Variants in YWHAG observed in about 807,000 individuals in gnomAD.
YWHAG encodes the protein tyrosine 3-monooxygenase/tryptophan 5-monooxygenase activation protein gamma.
In YWHAG, 1 loss-of-function variant was observed where a neutral mutation model predicts 23.3. That is an observed-to-expected ratio of 0.04 (90% CI 0.02 to 0.20). YWHAG has a LOEUF of 0.20. Ranked by LOEUF, YWHAG falls within the 10% of genes least tolerant of loss-of-function variation. The probability of loss-of-function intolerance (pLI) is 1.00; values close to 1 mark genes in which losing one functional copy is unlikely to be tolerated. For synonymous variants in YWHAG, 160 were observed against 144.0 expected, an observed-to-expected ratio of 1.11 and a Z score of -0.80; for missense variants, 151 against 338.6, an observed-to-expected ratio of 0.45 and a Z score of 4.35.
intron 1 of YWHAG, among the ~76,000 whole-genome samples, chr7:76,343,642 C>G (rs1803733068): frequency 6.6e-6 from 1 of 152,200 alleles, no homozygotes; most frequent in Non-Finnish European, 1.5e-5. Context: ...TGAATCCAGC[C>G]ACTCTCATCA....
At chr7:76,358,457 G>A (rs1803996016) in intron 1 of YWHAG, among the ~76,000 whole-genome samples, 1 of 152,148 alleles carries the variant, frequency 6.6e-6, no homozygotes, top group Admixed American at 6.5e-5. Flanking sequence ...CCGCTCCCAA[G>A]TCCAGCCCCG....
At chr7:76,338,561 GCT>G (rs1429813232) in intron 1 of YWHAG, among the ~76,000 whole-genome samples, 2 of 152,086 alleles carry the variant, frequency 1.3e-5, no homozygotes, top group African/African-American at 2.4e-5. Flanking sequence ...CAAATCTTGT[GCT>G]CTTTTTCTAT....
intron 1 of YWHAG, among the ~76,000 whole-genome samples, chr7:76,334,200 A>G (rs1340218627): frequency 6.6e-6 from 1 of 152,232 alleles, no homozygotes; most frequent in Non-Finnish European, 1.5e-5. Context: ...CCTTTAGATC[A>G]TAATTACTTG....
intron 1 of YWHAG, among the ~76,000 whole-genome samples, chr7:76,342,387 A>AC (rs1426054628): frequency 6.6e-6 from 1 of 152,046 alleles, no homozygotes; most frequent in Non-Finnish European, 1.5e-5. Flanking sequence ...CTTCTTACAA[A>AC]CCCTGCTGGG....
intron 1 of YWHAG, among the ~76,000 whole-genome samples, chr7:76,343,922 A>C (rs1200089534): frequency 6.6e-6 from 1 of 152,208 alleles, no homozygotes; most frequent in Non-Finnish European, 1.5e-5. Flanking sequence ...AGCAAACACT[A>C]ATACCGTATT....
intron 1 of YWHAG, among the ~76,000 whole-genome samples, chr7:76,335,787 C>T (rs1446514718): frequency 6.6e-6 from 1 of 152,162 alleles, no homozygotes; most frequent in Non-Finnish European, 1.5e-5. Context: ...CCTGTCTCTA[C>T]TAAAAATACA....
At chr7:76,339,226 T>C (rs1053405416) in intron 1 of YWHAG, among the ~76,000 whole-genome samples, 9 of 122,108 alleles carry the variant, frequency 7.4e-5, no homozygotes, top group Admixed American at 2.4e-4. Flanking sequence ...TCCCAGCACT[T>C]TGGGAGGCCA....
At chr7:76,357,556 TGG>T (rs1188604507) in intron 1 of YWHAG, among the ~76,000 whole-genome samples, 5 of 152,146 alleles carry the variant, frequency 3.3e-5, no homozygotes, top group Non-Finnish European at 7.3e-5. Context: ...ACTGACAAAA[TGG>T]TGCAATACAG....
intron 1 of YWHAG, among the ~76,000 whole-genome samples, chr7:76,343,905 T>C (rs1489299689): frequency 6.6e-6 from 1 of 152,170 alleles, no homozygotes; most frequent in African/African-American, 2.4e-5. Flanking sequence ...TGGGGTAGTT[T>C]GAGACAAGCA....
At chr7:76,339,750 T>C (rs1803663559) in intron 1 of YWHAG, among the ~76,000 whole-genome samples, 1 of 152,040 alleles carries the variant, frequency 6.6e-6, no homozygotes, top group East Asian at 1.9e-4. Context: ...AATGACCCAC[T>C]TCCACTTAAT....
intron 1 of YWHAG, among the ~76,000 whole-genome samples, chr7:76,357,831 G>A (rs1157473348): frequency 6.6e-6 from 1 of 152,142 alleles, no homozygotes; most frequent in Non-Finnish European, 1.5e-5. Context: ...TATCAGATCA[G>A]ACAGAATATT....
In YWHAG at chr7:76,329,842, A is replaced by T. The variant is rs746746074; in HGVS notation, c.479T>A (p.Ile160Asn). 1 of 1,612,902 alleles carries T rather than the reference A, an allele frequency of 6.2e-7. No homozygotes were observed. Among genetic ancestry groups the T allele is most frequent in the Non-Finnish European group, 8.5e-7 (1 of 1,179,812 alleles). Residue 160 changes from isoleucine (I) to asparagine (N), a missense_variant, in exon 2 of 2, where the codon ATC becomes AAC. Physicochemically the swap from Ile to Asn is moderately radical, Grantham distance 149. Transcript: ENST00000307630. The surrounding 1 kb of genome is among the most constrained non-coding windows in gnomAD (Gnocchi z 6.1). ...SEKAYSEAHEISKEHMQPTHP... is the reference protein window; with the variant it reads ...SEKAYSEAHENSKEHMQPTHP... ...GGTGGGCTGCATGTGCTCTTTGCTGATCTCGTGGGCTTCGCTGTAGGCCTT... is the reference window on the plus strand; with the variant it reads ...GGTGGGCTGCATGTGCTCTTTGCTGTTCTCGTGGGCTTCGCTGTAGGCCTT...
intron 1 of YWHAG, among the ~76,000 whole-genome samples, chr7:76,352,594 T>A (rs1290629874): frequency 6.6e-6 from 1 of 152,174 alleles, no homozygotes; most frequent in African/African-American, 2.4e-5. Flanking sequence ...ATTGTTTTAA[T>A]GTTATGTTAA....
intron 1 of YWHAG, among the ~76,000 whole-genome samples, chr7:76,340,051 T>C (rs147012582): frequency 0.027 from 4,129 of 152,198 alleles, 199 homozygotes; most frequent in African/African-American, 0.093. Flanking sequence ...ATCATGCCAT[T>C]GCACTCCTGC....
intron 1 of YWHAG, among the ~76,000 whole-genome samples, chr7:76,352,442 C>T (rs1803889421): frequency 1.3e-5 from 2 of 152,124 alleles, no homozygotes; most frequent in Non-Finnish European, 2.9e-5. Context: ...ACTGCTGTCA[C>T]TGTCATACTC....
chr7:76,357,623 T>C (rs1476644850), intron 1 of YWHAG, among the ~76,000 whole-genome samples: 1 of 152,160 alleles, frequency 6.6e-6, no homozygotes, highest in East Asian at 1.9e-4. Context: ...TATTCTCTTT[T>C]CATCAGCATG....
chr7:76,343,987 T>C (rs1803739189), intron 1 of YWHAG, among the ~76,000 whole-genome samples: 1 of 152,166 alleles, frequency 6.6e-6, no homozygotes, highest in African/African-American at 2.4e-5. Context: ...CAATTCCTAT[T>C]GAGATGTCAG....
chr7:76,338,680 G>A (rs575795353), intron 1 of YWHAG, among the ~76,000 whole-genome samples: 1 of 151,970 alleles, frequency 6.6e-6, no homozygotes, highest in Admixed American at 6.6e-5. Context: ...CTTAGAAACA[G>A]AAAATCTCAG....
At position 76,327,668 on chromosome 7, in the gene YWHAG, G is replaced by GGCC. The variant is rs1803465694; in HGVS notation, c.*1908_*1909insGGC. On this transcript the variant is annotated 3_prime_UTR_variant, in exon 2 of 2. Transcript: ENST00000307630. ...AATTAGGGAAAGCCCCACCTACCCT[G>GGCC]CCCCCCCCCCCCTCCCCCCCCAAAT... is the stretch of plus-strand genomic sequence containing the variant. 1 of 47,086 alleles carries GGCC rather than the reference G, an allele frequency of 2.1e-5. No individual in the cohort carries two copies. Among genetic ancestry groups the GGCC allele is most frequent in the Non-Finnish European group, 3.7e-5 (1 of 27,254 alleles). The allele number at this position is 47,086 out of a possible 1,614,324, so 2.9% of individuals were successfully genotyped here.
Sources: allele counts gnomAD v4.1 joint callset (sites outside exome capture counted in the v4.1 genomes callset), GRCh38; gene constraint gnomAD v4.1.1; non-coding constraint Gnocchi (gnomAD v3.1); transcripts MANE v1.5; gene names NCBI Gene and HGNC (gene_info 2026-07-23, HGNC 2026-07-21).